ANK2: variants seen among roughly 807,000 people sequenced by gnomAD.
The protein encoded by ANK2 is ankyrin 2.
ANK2 carries 83 observed loss-of-function variants against 360.5 expected under a neutral mutation model. That is an observed-to-expected ratio of 0.23 (90% CI 0.19 to 0.28). The LOEUF (loss-of-function observed/expected upper bound fraction) is 0.28. ANK2 is among the 10% of genes least tolerant of loss of function. The pLI, the probability that ANK2 is intolerant of heterozygous loss-of-function variation, is 1.00. For missense variants in ANK2, 4,201 were observed against 4,795.7 expected, an observed-to-expected ratio of 0.88 and a Z score of 3.66; for synonymous variants, 1,740 against 1,759.5, an observed-to-expected ratio of 0.99 and a Z score of 0.28.
intron 1 of ANK2, among the ~76,000 whole-genome samples, chr4:113,135,801 T>C (rs1484570439): frequency 6.6e-6 from 1 of 152,118 alleles, no homozygotes; most frequent in Admixed American, 6.6e-5. Flanking sequence ...ACCAACAGAT[T>C]TGGTGCCTGG....
At chr4:113,362,315 T>G (rs2096269993) in intron 39 of ANK2, among the ~76,000 whole-genome samples, 1 of 152,194 alleles carries the variant, frequency 6.6e-6, no homozygotes, top group Admixed American at 6.5e-5. Context: ...ATACGTATAT[T>G]TTTAATTTTG....
chr4:112,977,265 A>G (rs527661539), intron 2 of ANK2, among the ~76,000 whole-genome samples: 17 of 152,290 alleles, frequency 1.1e-4, no homozygotes, highest in Non-Finnish European at 2.4e-4. Context: ...TCAGTTATTT[A>G]TTATGAATTA....
intron 4 of ANK2, among the ~76,000 whole-genome samples, chr4:113,210,174 C>CA (rs1293581651): frequency 1.3e-5 from 2 of 152,166 alleles, no homozygotes; most frequent in Non-Finnish European, 2.9e-5. Flanking sequence ...TGAAGGAACT[C>CA]AAGATTTTCC....
the ANK2 span, among the ~76,000 whole-genome samples, chr4:112,767,288 C>T: frequency 3.9e-5 from 6 of 152,048 alleles, no homozygotes; most frequent in Admixed American, 2.0e-4. Context: ...CTGCCAGTCG[C>T]GGTGGCTCAC....
At chr4:113,061,973 A>G (rs1401103366) in intron 1 of ANK2, among the ~76,000 whole-genome samples, 1 of 152,096 alleles carries the variant, frequency 6.6e-6, no homozygotes, top group Admixed American at 6.6e-5. Context: ...ACCCATAAAC[A>G]TATACACTTA....
At chr4:113,020,377 G>A (rs543770458) in intron 2 of ANK2, among the ~76,000 whole-genome samples, 2 of 152,058 alleles carry the variant, frequency 1.3e-5, no homozygotes, top group African/African-American at 2.4e-5. Flanking sequence ...TTTATTTTTT[G>A]TAGAGACAGG....
intron 34 of ANK2, 146 bp from the exon 35 acceptor site, chr4:113,345,754 G>T (rs1588700338): frequency 8.7e-7 from 1 of 1,145,256 alleles, no homozygotes; most frequent in Non-Finnish European, 1.2e-6. Context: ...CTTTCCAAAT[G>T]GTAATAGGAA....
At chr4:113,206,206 G>A (rs1332240486) in intron 4 of ANK2, among the ~76,000 whole-genome samples, 1 of 152,054 alleles carries the variant, frequency 6.6e-6, no homozygotes, top group Non-Finnish European at 1.5e-5. Flanking sequence ...TAGGTATTAA[G>A]CCCAAAATGC....
At chr4:113,027,420 G>C (rs1054610397) in intron 2 of ANK2, among the ~76,000 whole-genome samples, 1 of 152,102 alleles carries the variant, frequency 6.6e-6, no homozygotes. Context: ...GGGTCAGTCT[G>C]AGCCAAGAGT....
At chr4:112,970,129 G>A (rs756533640) in intron 2 of ANK2, among the ~76,000 whole-genome samples, 40 of 151,500 alleles carry the variant, frequency 2.6e-4, no homozygotes, top group Non-Finnish European at 4.7e-4. Flanking sequence ...GATTACAGGC[G>A]CCTGCCACCA....
chr4:112,721,931 T>C, the ANK2 span, among the ~76,000 whole-genome samples: 12 of 152,184 alleles, frequency 7.9e-5, no homozygotes, highest in Non-Finnish European at 1.8e-4. Context: ...GGTGCAGGCA[T>C]CAGAGAGGTA....
chr4:112,823,555 T>TA (rs2057694235), intron 1 of ANK2, among the ~76,000 whole-genome samples: 2 of 133,702 alleles, frequency 1.5e-5, no homozygotes, highest in Non-Finnish European at 3.1e-5. Context: ...CCAAAAGATG[T>TA]AACTAAGAGG....
chr4:112,956,016 A>T (rs1239321650), intron 2 of ANK2, among the ~76,000 whole-genome samples: 1 of 152,216 alleles, frequency 6.6e-6, no homozygotes, highest in Non-Finnish European at 1.5e-5. Context: ...CTGAGGTGAG[A>T]CATCACATTT....
chr4:112,967,415 G>A (rs576657037), intron 2 of ANK2, among the ~76,000 whole-genome samples: 2 of 152,310 alleles, frequency 1.3e-5, no homozygotes, highest in African/African-American at 4.8e-5. Context: ...AGAGCCCAGC[G>A]TAATAACCTT....
In ANK2 at chr4:113,355,832, G is replaced by A; in HGVS notation, c.7214G>A (p.Ser2405Asn). The change falls in exon 38 of 46, where the codon AGT becomes AAT. Residue 2405 changes from serine (S) to asparagine (N), a missense_variant. Transcript: ENST00000357077. The part of the protein sequence containing the change: ...TESKPQGVIR[S>N]PQGLELALPS... ...TCAAAACCTCAGGGAGTCATTAGAA[G>A]TCCCCAAGGGTTAGAACTTGCACTC... The A allele has an allele frequency of 6.2e-7, 1 of 1,614,068 alleles. No homozygotes were observed. Among genetic ancestry groups the A allele is most frequent in the Non-Finnish European group, 8.5e-7 (1 of 1,179,956 alleles).
chr4:113,174,377 C>T, intron 1 of ANK2, 39 bp from the exon 2 acceptor site: 1 of 1,495,166 alleles, frequency 6.7e-7, no homozygotes, highest in South Asian at 1.2e-5. Flanking sequence ...ATTTCTATTT[C>T]ATCAATAGTT....
intron 22 of ANK2, 97 bp from the exon 23 acceptor site, chr4:113,302,670 T>A: frequency 5.4e-6 from 5 of 930,222 alleles, no homozygotes; most frequent in Non-Finnish European, 8.7e-6. Flanking sequence ...GCTCGATGGC[T>A]TGCTGCTGCT....
rs1449010381 is a variant in ANK2, at chr4:112,875,096, A to G, written c.-39-29359A>G. ...TCTGTTGCCCAGGCGATCTTGGCTC[A>G]CTGTAACCTCCGCCTCCTGGGTTCA... On this transcript the variant is annotated intron_variant, in intron 1 of 30. Transcript: ENST00000503271. Among the ~76,000 whole-genome samples the G allele has an allele frequency of 2.0e-5, 3 of 147,460 alleles. No individual in the cohort carries two copies. The Middle Eastern group carries it at 0.01, about 512-fold the overall frequency.
chr4:112,828,659 A>C (rs1409491476), intron 1 of ANK2, among the ~76,000 whole-genome samples: 2 of 152,206 alleles, frequency 1.3e-5, no homozygotes, highest in African/African-American at 4.8e-5. Context: ...ATTGCAACAA[A>C]ACAAAAAATT....
Sources: gnomAD v4.1 joint callset for allele counts (sites outside exome capture counted in the v4.1 genomes callset) on GRCh38, gnomAD v4.1.1 for gene constraint, MANE v1.5 for transcripts, NCBI Gene and HGNC (gene_info 2026-07-23, HGNC 2026-07-21) for gene names.